The following WLS variants were observed in gnomAD, a reference collection of about 807,000 sequenced individuals.
The protein encoded by WLS is protein wntless homolog.
In WLS, 23 loss-of-function variants were observed where a neutral mutation model predicts 62.8. The ratio of observed to expected loss-of-function variants is 0.37; its 90% confidence interval spans 0.26 to 0.52. WLS has a LOEUF of 0.52. Ranked by LOEUF, WLS falls within the 20% of genes least tolerant of loss-of-function variation. The pLI is 0.92. For missense variants in WLS, 615 were observed against 697.3 expected, an observed-to-expected ratio of 0.88 and a Z score of 1.33; for synonymous variants, 246 against 244.1, an observed-to-expected ratio of 1.01 and a Z score of -0.07.
At chr1:68,207,836 G>C (rs1649347796) in intron 1 of WLS, among the ~76,000 whole-genome samples, 2 of 152,174 alleles carry the variant, frequency 1.3e-5, no homozygotes, top group African/African-American at 2.4e-5. Flanking sequence ...CCCTATTACA[G>C]TACCATGAAA....
At chr1:68,173,597 GA>G (rs1406790007) in intron 2 of WLS, among the ~76,000 whole-genome samples, 3 of 152,152 alleles carry the variant, frequency 2.0e-5, no homozygotes, top group African/African-American at 7.2e-5. Context: ...GGGAGTCCAG[GA>G]TAAAGAAAAA....
At chr1:68,181,151 T>G (rs921594351) in intron 2 of WLS, among the ~76,000 whole-genome samples, 6 of 144,836 alleles carry the variant, frequency 4.1e-5, no homozygotes, top group African/African-American at 1.5e-4. Flanking sequence ...AAGATAAAGT[T>G]GTGAATTCCC....
chr1:68,182,869 C>T (rs1300540894), intron 2 of WLS, among the ~76,000 whole-genome samples: 3 of 152,286 alleles, frequency 2.0e-5, no homozygotes, highest in Non-Finnish European at 1.5e-5. Context: ...TCTAGTGACA[C>T]TAGCCAACAA....
rs900446226 is a variant in WLS at position 68,213,451 on chromosome 1, CAAAAAAA to C, written c.106+18736_106+18742del. 9.8e-5 allele frequency among the ~76,000 whole-genome samples: 5 copies of C among 51,188 alleles called. No homozygotes were observed. In the Middle Eastern group the frequency reaches 0.031, roughly 313 times the overall value. The allele number at this position is 51,188 out of a possible 152,430, so 33.6% of individuals were successfully genotyped here. On this transcript the variant is annotated intron_variant, in intron 1 of 11. Coordinates refer to ENST00000262348, the MANE Select transcript of WLS (RefSeq NM_024911.7). ...GGGCAACAAGAGCGAAACTTCATTC[CAAAAAAA>C]AAAAAAAAAAAAAGGAAAGACGAGG...
At chr1:68,209,943 G>T (rs1257971777) in intron 1 of WLS, among the ~76,000 whole-genome samples, 1 of 152,128 alleles carries the variant, frequency 6.6e-6, no homozygotes, top group East Asian at 1.9e-4. Flanking sequence ...CCTTGTCTCA[G>T]GCCACACTGT....
At chr1:68,153,095 A>C (rs950699401) in intron 5 of WLS, among the ~76,000 whole-genome samples, 23 of 152,168 alleles carry the variant, frequency 1.5e-4, no homozygotes, top group Non-Finnish European at 2.4e-4. Flanking sequence ...CCTGGGCAAC[A>C]TAGGGAAACC....
chr1:68,160,665 C>CG (rs1332833044), intron 2 of WLS, among the ~76,000 whole-genome samples: 3 of 152,240 alleles, frequency 2.0e-5, no homozygotes, highest in South Asian at 2.1e-4. Flanking sequence ...GTAACAGTAA[C>CG]TCACACTGAA....
intron 1 of WLS, among the ~76,000 whole-genome samples, chr1:68,222,485 A>G (rs1429912541): frequency 2.0e-5 from 3 of 152,180 alleles, no homozygotes; most frequent in African/African-American, 7.2e-5. Flanking sequence ...CAATCGAGCT[A>G]TAAGAAGCAC....
At chr1:68,100,742 C>G (rs776276142) in intron 11 of WLS, 3 of 151,976 alleles carry the variant, frequency 2.0e-5, no homozygotes, top group Non-Finnish European at 4.4e-5. Flanking sequence ...CAATAAGATA[C>G]CATATTATAA....
intron 1 of WLS, among the ~76,000 whole-genome samples, chr1:68,210,097 T>C (rs1409965508): frequency 6.6e-6 from 1 of 152,214 alleles, no homozygotes; most frequent in African/African-American, 2.4e-5. Context: ...AGTATGGATG[T>C]CTTTGTTCTA....
chr1:68,162,688 G>A (rs1057488067), intron 2 of WLS: 25 of 1,229,464 alleles, frequency 2.0e-5, no homozygotes, highest in Non-Finnish European at 2.6e-5. Context: ...GGTAGAGTCC[G>A]GTGTCTCTTC....
chr1:68,168,374 C>G (rs1030329146), intron 2 of WLS, among the ~76,000 whole-genome samples: 8 of 152,174 alleles, frequency 5.3e-5, no homozygotes, highest in Admixed American at 5.2e-4. Context: ...TTTGAATTCT[C>G]CTTTTATGAC....
chr1:68,203,975 G>A (rs1302620088), intron 1 of WLS, among the ~76,000 whole-genome samples: 1 of 152,194 alleles, frequency 6.6e-6, no homozygotes, highest in African/African-American at 2.4e-5. Flanking sequence ...TCAGGGAATG[G>A]AGAAATTAAG....
At chr1:68,229,084 T>C (rs1384989195) in intron 1 of WLS, among the ~76,000 whole-genome samples, 2 of 152,172 alleles carry the variant, frequency 1.3e-5, no homozygotes, top group East Asian at 3.9e-4. Context: ...CTGAAAGAGT[T>C]ACACAATTTT....
intron 1 of WLS, among the ~76,000 whole-genome samples, chr1:68,208,168 A>G (rs1649359792): frequency 6.6e-6 from 1 of 152,176 alleles, no homozygotes; most frequent in African/African-American, 2.4e-5. Context: ...CACAGAATTA[A>G]CCCTTGGTTT....
intron 2 of WLS, chr1:68,183,598 C>A (rs1445649662): frequency 1.9e-6 from 1 of 530,006 alleles, no homozygotes; most frequent in African/African-American, 1.9e-5. Flanking sequence ...ATTCACCCAT[C>A]ACCATTGTAG....
At chr1:68,162,130 T>C (rs374883420) in intron 2 of WLS, 1 of 1,517,328 alleles carries the variant, frequency 6.6e-7, no homozygotes, top group South Asian at 1.1e-5. Flanking sequence ...CCAGGCAGTG[T>C]GAGGAGTGCA....
intron 3 of WLS, among the ~76,000 whole-genome samples, chr1:68,156,135 G>A (rs889153586): frequency 5.3e-5 from 8 of 152,108 alleles, no homozygotes; most frequent in African/African-American, 1.9e-4. Flanking sequence ...TGAGGGGTGG[G>A]GGCCAGGGGT....
At chr1:68,139,841 C>T (rs1646661885) in intron 10 of WLS, among the ~76,000 whole-genome samples, 1 of 152,084 alleles carries the variant, frequency 6.6e-6, no homozygotes, top group African/African-American at 2.4e-5. Context: ...TGGAAAGAAC[C>T]ACTCTTAAAA....
Sources: allele counts gnomAD v4.1 joint callset (sites outside exome capture counted in the v4.1 genomes callset), GRCh38; gene constraint gnomAD v4.1.1; transcripts MANE v1.5; gene names NCBI Gene and HGNC (gene_info 2026-07-23, HGNC 2026-07-21).